The following ZCCHC14 variants were observed in gnomAD, a reference collection of about 807,000 sequenced individuals.
The protein encoded by ZCCHC14 is zinc finger CCHC-type containing 14.
A neutral mutation model predicts 85.0 loss-of-function variants in ZCCHC14; 16 were observed. That is an observed-to-expected ratio of 0.19 (90% CI 0.13 to 0.29). The LOEUF (loss-of-function observed/expected upper bound fraction) is 0.29, where lower values mean the gene tolerates loss of function less well. ZCCHC14 is among the 10% of genes least tolerant of loss of function. ZCCHC14 has a pLI of 1.00. For synonymous variants in ZCCHC14, 775 were observed against 630.7 expected, an observed-to-expected ratio of 1.23 and a Z score of -3.43; for missense variants, 1,303 against 1,443.5, an observed-to-expected ratio of 0.90 and a Z score of 1.58.
chr16:87,426,902 G>C (rs1909399653), intron 3 of ZCCHC14, among the ~76,000 whole-genome samples: 1 of 152,224 alleles, frequency 6.6e-6, no homozygotes, highest in South Asian at 2.1e-4. Context: ...CAGAGCCCAA[G>C]AGTTCTCTGA....
At chr16:87,483,660 G>A (rs1912387957) in intron 1 of ZCCHC14, among the ~76,000 whole-genome samples, 1 of 152,214 alleles carries the variant, frequency 6.6e-6, no homozygotes, top group African/African-American at 2.4e-5. Context: ...CCACCTAACT[G>A]TATGGCCGCA....
Position 87,411,561 on chromosome 16 carries a change from G to C in ZCCHC14, c.3160C>G (p.Arg1054Gly). The change falls in exon 12 of 13, where the codon CGC (arginine) becomes GGC (glycine). Residue 1054 changes from arginine to glycine, a missense_variant. Transcript: ENST00000671377. ...SCYNCGATGHRAQDCKQPSMD... is the reference protein window; with the variant it reads ...SCYNCGATGHGAQDCKQPSMD... ...GACGGCTGTTTGCAGTCCTGGGCGC[G>C]GTGACCAGTGGCCCCGCAGTTGTAA... 3 of 1,613,704 alleles carry C rather than the reference G, an allele frequency of 1.9e-6. No homozygotes were observed. The highest frequency in any genetic ancestry group is 8.5e-7 in the Non-Finnish European group (1 of 1,180,032).
chr16:87,410,525 T>C (rs1908382466), intron 12 of ZCCHC14, among the ~76,000 whole-genome samples, 190 bp from the exon 13 acceptor site: 1 of 152,212 alleles, frequency 6.6e-6, no homozygotes, highest in Non-Finnish European at 1.5e-5. Flanking sequence ...GTTTATCAAA[T>C]CTGACCGGGG....
chr16:87,420,102 T>C lies in ZCCHC14; in HGVS notation c.951-225A>G, dbSNP rs893356590. Among the ~76,000 whole-genome samples, 1 of 152,212 alleles carries C rather than the reference T, an allele frequency of 6.6e-6. No homozygotes were observed. The highest frequency in any genetic ancestry group is 2.4e-5 in the African/African-American group (1 of 41,452). On this transcript the variant is annotated intron_variant, in intron 5 of 12. Coordinates refer to ENST00000671377, the MANE Select transcript of ZCCHC14 (RefSeq NM_015144.3). This position sits in a 1 kb window ranked among gnomAD's most constrained non-coding sequence, Gnocchi z 5.0. ...AATGCTGTATTCATGGCCACCAAGG[T>C]TGACGACAGCAGTCATGCCCTGTGA... is the stretch of plus-strand genomic sequence containing the variant.
chr16:87,483,022 A>C (rs192010420), intron 1 of ZCCHC14, among the ~76,000 whole-genome samples: 10 of 152,260 alleles, frequency 6.6e-5, no homozygotes, highest in African/African-American at 2.4e-4. Flanking sequence ...CATACCAAAA[A>C]GGACTGATAA....
Position 87,477,789 on chromosome 16 carries a change from C to T in ZCCHC14, c.570+13880G>A, listed in dbSNP as rs369277245. On this transcript the variant is annotated intron_variant, in intron 1 of 12. Transcript: ENST00000671377. ...CCACCGCATCCCCCTGAGCCTGCTGCCCCTCACCGCACACACCTGGGGAAC... is the reference window on the plus strand; with the variant it reads ...CCACCGCATCCCCCTGAGCCTGCTGTCCCTCACCGCACACACCTGGGGAAC... 2.7e-4 allele frequency among the ~76,000 whole-genome samples: 41 copies of T among 151,770 alleles called. No homozygotes were observed. The East Asian group carries it at 6.4e-3, about 24-fold the overall frequency.
At chr16:87,457,064 G>T (rs970443874) in intron 2 of ZCCHC14, among the ~76,000 whole-genome samples, 3 of 152,220 alleles carry the variant, frequency 2.0e-5, no homozygotes, top group African/African-American at 7.2e-5. Flanking sequence ...CTGGAGCGCT[G>T]GAGAGTGCAC....
chr16:87,408,318 C>A lies in ZCCHC14; in HGVS notation c.*1962G>T, dbSNP rs1908291172. The A allele has an allele frequency of 1.3e-5, 2 of 152,212 alleles. No homozygotes were observed. Among genetic ancestry groups the A allele is most frequent in the Admixed American group, 6.6e-5 (1 of 15,228 alleles). 9.4% of individuals were successfully genotyped at this position (152,212 alleles called of 1,614,324 possible). On this transcript the variant is annotated 3_prime_UTR_variant, in exon 13 of 13. Coordinates refer to ENST00000671377, the MANE Select transcript of ZCCHC14 (RefSeq NM_015144.3). Reference sequence around the variant, plus strand: ...AAAATATTTCTTTGCTTAAAAAAACCAAAAAATTTAAAAGTTTGGCTTTCA... The same window carrying A: ...AAAATATTTCTTTGCTTAAAAAAACAAAAAAATTTAAAAGTTTGGCTTTCA...
chr16:87,491,616 G>A lies in ZCCHC14; in HGVS notation c.570+53C>T. The A allele has an allele frequency of 7.4e-7, 1 of 1,349,852 alleles. No individual in the cohort carries two copies. Among genetic ancestry groups the A allele is most frequent in the African/African-American group, 1.5e-5 (1 of 65,038 alleles). 83.6% of individuals were successfully genotyped at this position (1,349,852 alleles called of 1,614,324 possible). On this transcript the variant is annotated intron_variant, in intron 1 of 12. Transcript: ENST00000671377. This position sits in a 1 kb window ranked among gnomAD's most constrained non-coding sequence, Gnocchi z 5.9. ...GTGCAGGCTGGAGGCTTGGAGTGCA[G>A]AGTTGGGGATGCAGACTTGGGGTAC...
At chr16:87,440,783 T>C (rs1295287218) in intron 2 of ZCCHC14, among the ~76,000 whole-genome samples, 1 of 150,136 alleles carries the variant, frequency 6.7e-6, no homozygotes, top group Non-Finnish European at 1.5e-5. Flanking sequence ...ATTTTTGTAT[T>C]TTTTTTTTGT....
In ZCCHC14 at chr16:87,411,636, C is replaced by T. The variant is rs200637893; in HGVS notation, c.3085G>A (p.Val1029Met). 1 of 1,613,940 alleles carries T rather than the reference C, an allele frequency of 6.2e-7. No individual in the cohort carries two copies. The highest frequency in any genetic ancestry group is 2.2e-5 in the East Asian group (1 of 44,884). ...TGACTGGAACCATTGCTACTGCCCA[C>T]CAGTCCTTGGGTCTGGTACACCCCT... ...TAGVYQTQGL[V>M]GSSNGSSHKK... Residue 1029 changes from valine (V) to methionine (M), a missense_variant, in exon 12 of 13, where the codon GTG becomes ATG. Coordinates refer to ENST00000671377, the MANE Select transcript of ZCCHC14 (RefSeq NM_015144.3).
At chr16:87,458,793 G>T (rs997028175) in intron 2 of ZCCHC14, among the ~76,000 whole-genome samples, 3 of 152,166 alleles carry the variant, frequency 2.0e-5, no homozygotes, top group African/African-American at 7.2e-5. Context: ...AAACATCTTT[G>T]TAAATAACAC....
chr16:87,459,348 C>A (rs894685409), intron 2 of ZCCHC14, among the ~76,000 whole-genome samples: 1 of 151,626 alleles, frequency 6.6e-6, no homozygotes, highest in African/African-American at 2.4e-5. Context: ...TTCCTCCCAC[C>A]CTTTTTTTTT....
chr16:87,439,322 T>G (rs1910076666), intron 2 of ZCCHC14, among the ~76,000 whole-genome samples: 1 of 151,972 alleles, frequency 6.6e-6, no homozygotes, highest in Non-Finnish European at 1.5e-5. Context: ...TTAGTAGAGA[T>G]GGGGGTTGCA....
chr16:87,434,146 G>A (rs1017545643), intron 2 of ZCCHC14, among the ~76,000 whole-genome samples: 6 of 152,194 alleles, frequency 3.9e-5, no homozygotes, highest in Non-Finnish European at 7.3e-5. Flanking sequence ...TACTCATCCC[G>A]TTTTCCACGT....
intron 1 of ZCCHC14, chr16:87,473,178 C>G (rs985685268): frequency 2.0e-5 from 3 of 152,092 alleles, no homozygotes; most frequent in Non-Finnish European, 4.4e-5. Flanking sequence ...ATGAGACATT[C>G]CCTGAGGTTA....
In ZCCHC14 at chr16:87,413,117, G is replaced by C. The variant is rs1289372294; in HGVS notation, c.1682C>G (p.Ser561Cys). The change falls in exon 11 of 13, where the codon TCC (serine) becomes TGC (cysteine). Residue 561 changes from serine to cysteine, a missense_variant. By Grantham distance (112) the Ser-to-Cys change is moderately radical. Coordinates refer to ENST00000671377, the MANE Select transcript of ZCCHC14 (RefSeq NM_015144.3). ...GSSSEYSSSS[S>C]SPMGVQAREE... Reference sequence around the variant, plus strand: ...CCGGGCCTGTACCCCCATGGGGCTGGAGGAGGAGCTGGAGTACTCCGAGGA... The same window carrying C: ...CCGGGCCTGTACCCCCATGGGGCTGCAGGAGGAGCTGGAGTACTCCGAGGA... 2 of 1,613,786 alleles carry C rather than the reference G, an allele frequency of 1.2e-6. No homozygotes were observed. Among genetic ancestry groups the C allele is most frequent in the South Asian group, 1.1e-5 (1 of 91,046 alleles).
In ZCCHC14 at chr16:87,491,753, G is replaced by A; in HGVS notation, c.486C>T (p.Ser162=). 3 of 1,584,950 alleles carry A rather than the reference G, an allele frequency of 1.9e-6. No homozygotes were observed. The highest frequency in any genetic ancestry group is 2.6e-6 in the Non-Finnish European group (3 of 1,169,570). ...CGTGGCCCCCGCCGCCGTTCAGGCT[G>A]CTCTGGATCTGCGTGAGCTCCTGGC... ...VLRQELTQIQ[S]SLNGGGGHGG... is the part of the protein sequence containing the mutation. Residue 162 remains serine, a synonymous_variant, in exon 1 of 13, where the codon AGC becomes AGT. Transcript: ENST00000671377. The surrounding 1 kb of genome is among the most constrained non-coding windows in gnomAD (Gnocchi z 5.9).
At chr16:87,441,799 G>A (rs1257102659) in intron 2 of ZCCHC14, among the ~76,000 whole-genome samples, 1 of 152,166 alleles carries the variant, frequency 6.6e-6, no homozygotes, top group African/African-American at 2.4e-5. Flanking sequence ...TGTGTTTCAG[G>A]GAAACTGAAC....
Sources: gnomAD v4.1 joint callset for allele counts (sites outside exome capture counted in the v4.1 genomes callset) on GRCh38, gnomAD v4.1.1 for gene constraint, Gnocchi (gnomAD v3.1) non-coding constraint, MANE v1.5 for transcripts, NCBI Gene and HGNC (gene_info 2026-07-23, HGNC 2026-07-21) for gene names.